Variants in NTNG1 observed in about 807,000 individuals in gnomAD.
The protein encoded by NTNG1 is netrin-G1.
A neutral mutation model predicts 54.0 loss-of-function variants in NTNG1; 16 were observed. The ratio of observed to expected loss-of-function variants is 0.30; its 90% CI spans 0.20 to 0.45. The LOEUF is 0.45. NTNG1 is among the 20% of genes least tolerant of loss of function. The pLI is 1.00. For synonymous variants in NTNG1, 255 were observed against 263.1 expected (o/e 0.97, Z 0.30); for missense variants, 530 against 678.7 (o/e 0.78, Z 2.43).
At chr1:107,475,722 C>A (rs755796865) in intron 7 of NTNG1, among the ~76,000 whole-genome samples, 4 of 152,292 alleles carry the variant, frequency 2.6e-5, no homozygotes, top group Middle Eastern at 3.4e-3. Flanking sequence ...GATGCCCTGA[C>A]CCAGGCCTTA....
At chr1:107,216,117 AC>A (rs1253236855) in intron 2 of NTNG1, among the ~76,000 whole-genome samples, 1 of 152,072 alleles carries the variant, frequency 6.6e-6, no homozygotes, top group African/African-American at 2.4e-5. Context: ...CTTCCTCTTT[AC>A]CCATTTGGAT....
intron 4 of NTNG1, among the ~76,000 whole-genome samples, chr1:107,404,258 G>A (rs866222717): frequency 6.6e-6 from 1 of 151,860 alleles, no homozygotes; most frequent in African/African-American, 2.4e-5. Context: ...TTAAACAGAA[G>A]ATCCGAGAAA....
At chr1:107,285,970 GT>G (rs1665169945) in intron 2 of NTNG1, among the ~76,000 whole-genome samples, 1 of 152,078 alleles carries the variant, frequency 6.6e-6, no homozygotes, top group Non-Finnish European at 1.5e-5. Context: ...AAAAATAAAT[GT>G]CAGTCTTTCT....
chr1:107,325,324 A>G (rs1667891257), intron 3 of NTNG1, among the ~76,000 whole-genome samples: 1 of 152,110 alleles, frequency 6.6e-6, no homozygotes, highest in South Asian at 2.1e-4. Flanking sequence ...ACAGCAGTCA[A>G]TTTATGTTTT....
At chr1:107,268,117 A>G (rs548323549) in intron 2 of NTNG1, among the ~76,000 whole-genome samples, 1 of 152,198 alleles carries the variant, frequency 6.6e-6, no homozygotes, top group Non-Finnish European at 1.5e-5. Flanking sequence ...ATGTAAAAAT[A>G]CATCCCATCT....
chr1:107,427,215 T>C (rs949233304), intron 5 of NTNG1, among the ~76,000 whole-genome samples: 7 of 152,096 alleles, frequency 4.6e-5, no homozygotes, highest in East Asian at 1.9e-4. Flanking sequence ...TCCTGGAGAG[T>C]TGAATTTAAC....
intron 3 of NTNG1, among the ~76,000 whole-genome samples, chr1:107,370,912 A>G (rs549598012): frequency 2.6e-5 from 4 of 152,140 alleles, no homozygotes; most frequent in Admixed American, 6.5e-5. Flanking sequence ...TAGAAATACA[A>G]TTGATTTTTG....
intron 2 of NTNG1, among the ~76,000 whole-genome samples, chr1:107,188,614 A>G (rs571507917): frequency 1.4e-4 from 22 of 152,284 alleles, no homozygotes; most frequent in African/African-American, 5.3e-4. Context: ...TGAAGAAAAC[A>G]GCCAGCACTT....
intron 7 of NTNG1, chr1:107,460,479 G>T (rs181827604): frequency 2.0e-6 from 1 of 509,670 alleles, no homozygotes; most frequent in East Asian, 5.5e-5. Flanking sequence ...TTCTATTTAG[G>T]AAATGAAATT....
rs1352608238 is a variant in NTNG1, at chr1:107,296,825, G to T, written c.247-27457G>T. Among the ~76,000 whole-genome samples the T allele has an allele frequency of 9.4e-5, 14 of 148,240 alleles. No individual in the cohort carries two copies. The Admixed American group carries it at 9.5e-4, about 10-fold the overall frequency. On this transcript the variant is annotated intron_variant, in intron 2 of 7. Transcript: ENST00000370068. The stretch of plus-strand genomic sequence containing the variant: ...CTATTATATATACATATAACTAAAA[G>T]ATAATAACTAAGGATGATTATAAAA...
intron 3 of NTNG1, among the ~76,000 whole-genome samples, chr1:107,341,553 CT>C (rs1229550258): frequency 6.6e-6 from 1 of 152,020 alleles, no homozygotes; most frequent in Non-Finnish European, 1.5e-5. Context: ...CTCATTTATC[CT>C]CACCGATGAT....
chr1:107,198,015 A>G (rs748669582), intron 2 of NTNG1, among the ~76,000 whole-genome samples: 10 of 151,990 alleles, frequency 6.6e-5, no homozygotes, highest in Non-Finnish European at 1.3e-4. Flanking sequence ...TCAAAGGTAG[A>G]TTCTAGTGTA....
chr1:107,359,100 A>G (rs1670112467), intron 3 of NTNG1, among the ~76,000 whole-genome samples: 1 of 152,222 alleles, frequency 6.6e-6, no homozygotes. Context: ...CCTAGATGCC[A>G]GTAGAGCTAT....
chr1:107,301,499 G>A (rs1666315392), intron 2 of NTNG1, among the ~76,000 whole-genome samples: 2 of 152,060 alleles, frequency 1.3e-5, no homozygotes, highest in Admixed American at 6.6e-5. Flanking sequence ...AGAATGTAGG[G>A]AACATGCACC....
intron 1 of NTNG1, among the ~76,000 whole-genome samples, chr1:107,142,269 CG>C (rs1653785157): frequency 6.6e-6 from 1 of 151,004 alleles, no homozygotes; most frequent in Non-Finnish European, 1.5e-5. Flanking sequence ...AAAGAAACTG[CG>C]CCCTCTGCTG....
At chr1:107,214,224 G>C (rs1247308695) in intron 2 of NTNG1, among the ~76,000 whole-genome samples, 5 of 152,040 alleles carry the variant, frequency 3.3e-5, no homozygotes, top group Non-Finnish European at 5.9e-5. Context: ...CCCATCATCT[G>C]AGCAGTGAAC....
At chr1:107,141,617 C>A (rs574793359) in intron 1 of NTNG1, among the ~76,000 whole-genome samples, 4 of 152,226 alleles carry the variant, frequency 2.6e-5, no homozygotes, top group South Asian at 2.1e-4. Flanking sequence ...TTGTAAAGCG[C>A]CCCGAGGAGG....
intron 2 of NTNG1, among the ~76,000 whole-genome samples, chr1:107,290,224 A>G (rs1334830654): frequency 6.6e-6 from 1 of 152,198 alleles, no homozygotes; most frequent in Non-Finnish European, 1.5e-5. Flanking sequence ...AAGGGTATAC[A>G]TACTGAAATA....
chr1:107,182,493 G>T (rs774764675), intron 2 of NTNG1, among the ~76,000 whole-genome samples: 1 of 151,954 alleles, frequency 6.6e-6, no homozygotes, highest in Admixed American at 6.6e-5. Flanking sequence ...TATGTGTTGA[G>T]CTCTGTGCTG....
Sources: gnomAD v4.1 joint callset for allele counts (sites outside exome capture counted in the v4.1 genomes callset) on GRCh38, gnomAD v4.1.1 for gene constraint, MANE v1.5 for transcripts, NCBI Gene and HGNC (gene_info 2026-07-23, HGNC 2026-07-21) for gene names.